The following FTCDNL1 variants were observed in gnomAD, a reference collection of about 807,000 sequenced individuals.
FTCDNL1 encodes formiminotransferase N-terminal subdomain-containing protein.
In FTCDNL1, 11 loss-of-function variants were observed where a neutral mutation model predicts 5.9. The observed-to-expected ratio is 1.87, with a 90% CI of 1.18 to 3.10. FTCDNL1 has a LOEUF of 3.10. Ranked by LOEUF, FTCDNL1 falls within the 30% of genes most tolerant of loss-of-function variation. FTCDNL1 has a pLI of 0.00. For synonymous variants in FTCDNL1, 58 were observed against 24.8 expected, an observed-to-expected ratio of 2.34 and a Z score of -3.99; for missense variants, 115 against 65.5, an observed-to-expected ratio of 1.76 and a Z score of -2.61.
chr2:199,845,421 G>T (rs561384829), intron 3 of FTCDNL1, among the ~76,000 whole-genome samples: 11 of 152,138 alleles, frequency 7.2e-5, no homozygotes, highest in African/African-American at 2.7e-4. Context: ...AATATAAAAA[G>T]TTAGCCAGGT....
chr2:199,752,206 G>A, the FTCDNL1 span, among the ~76,000 whole-genome samples: 9 of 152,172 alleles, frequency 5.9e-5, no homozygotes, highest in East Asian at 1.5e-3. Context: ...ACCCTCCCTG[G>A]AGCTGAGGCT....
intron 2 of FTCDNL1, among the ~76,000 whole-genome samples, chr2:199,848,497 T>C (rs1273594274): frequency 6.6e-6 from 1 of 152,232 alleles, no homozygotes; most frequent in African/African-American, 2.4e-5. Flanking sequence ...ATTCTATTAA[T>C]GATCAAATAA....
the FTCDNL1 span, among the ~76,000 whole-genome samples, chr2:199,747,338 T>C: frequency 1.3e-5 from 2 of 152,154 alleles, no homozygotes; most frequent in East Asian, 3.9e-4. Flanking sequence ...TATACGTCTA[T>C]TGCATGGTCG....
At chr2:199,673,255 G>A in the FTCDNL1 span, among the ~76,000 whole-genome samples, 1 of 149,530 alleles carries the variant, frequency 6.7e-6, no homozygotes, top group Admixed American at 6.7e-5. Context: ...TTAGACCTGG[G>A]AGGTGGAGGT....
chr2:199,845,983 T>G (rs769960), intron 3 of FTCDNL1, 92 bp downstream of exon 3: 399,166 of 563,566 alleles, frequency 0.71, 143,380 homozygotes, highest in South Asian at 0.83. Flanking sequence ...GGAGTATTCA[T>G]ATTTACAGAG....
rs61047289 is a variant in FTCDNL1 at position 199,785,249 on chromosome 2, C to CTTTTTT, written c.212-24420_212-24415dup. Reference sequence around the variant, plus strand: ...AGGGTCTCTAAACTCTTCCAAATTCCTTTTTTTTTTTTTTTTGAGACAGAA... The same window carrying CTTTTTT: ...AGGGTCTCTAAACTCTTCCAAATTCCTTTTTTTTTTTTTTTTTTTTTTGAGACAGAA... On this transcript the variant is annotated intron_variant, in intron 3 of 3. Transcript: ENST00000416668. 8.8e-3 allele frequency among the ~76,000 whole-genome samples: 679 copies of CTTTTTT among 76,808 alleles called. 69 individuals are homozygous for CTTTTTT. The highest frequency in any genetic ancestry group is 0.014 in the Admixed American group (62 of 4,474). 50.4% of individuals were successfully genotyped at this position (76,808 alleles called of 152,430 possible).
At chr2:199,835,451 T>C (rs576209142) in intron 3 of FTCDNL1, among the ~76,000 whole-genome samples, 1 of 152,268 alleles carries the variant, frequency 6.6e-6, no homozygotes, top group Admixed American at 6.5e-5. Flanking sequence ...TAATACATTG[T>C]TGTCATTATT....
At chr2:199,848,247 G>A (rs761795644) in intron 2 of FTCDNL1, among the ~76,000 whole-genome samples, 5 of 152,302 alleles carry the variant, frequency 3.3e-5, no homozygotes, top group Non-Finnish European at 5.9e-5. Flanking sequence ...AATACTGGCC[G>A]AGGGAATAAG....
chr2:199,742,373 G>A, the FTCDNL1 span, among the ~76,000 whole-genome samples: 1 of 152,122 alleles, frequency 6.6e-6, no homozygotes, highest in Non-Finnish European at 1.5e-5. Context: ...ACTGCTCAAA[G>A]GCTCCAAAGT....
intron 3 of FTCDNL1, among the ~76,000 whole-genome samples, chr2:199,824,662 T>C (rs933393729): frequency 1.3e-5 from 2 of 152,200 alleles, no homozygotes; most frequent in African/African-American, 4.8e-5. Flanking sequence ...GGGTTATTAA[T>C]TGGCCTAATT....
chr2:199,823,882 C>T (rs917842398), intron 3 of FTCDNL1, among the ~76,000 whole-genome samples: 1 of 152,220 alleles, frequency 6.6e-6, no homozygotes, highest in Non-Finnish European at 1.5e-5. Context: ...CAGGCATTGA[C>T]TTCTCTCTAG....
At chr2:199,829,028 T>C (rs981031439) in intron 3 of FTCDNL1, among the ~76,000 whole-genome samples, 1 of 152,162 alleles carries the variant, frequency 6.6e-6, no homozygotes, top group South Asian at 2.1e-4. Flanking sequence ...CAAAACCACA[T>C]GTACCTGTGG....
At chr2:199,691,160 C>CTTAT in the FTCDNL1 span, among the ~76,000 whole-genome samples, 2 of 152,120 alleles carry the variant, frequency 1.3e-5, no homozygotes, top group Non-Finnish European at 2.9e-5. Context: ...CCAATTTTTA[C>CTTAT]TTATTTATTT....
the FTCDNL1 span, among the ~76,000 whole-genome samples, chr2:199,707,891 T>C: frequency 1.3e-5 from 2 of 152,128 alleles, no homozygotes; most frequent in African/African-American, 4.8e-5. Flanking sequence ...TTTGGCTTTA[T>C]AGGAGTTTGA....
At chr2:199,679,855 A>C in the FTCDNL1 span, among the ~76,000 whole-genome samples, 2 of 152,112 alleles carry the variant, frequency 1.3e-5, no homozygotes, top group Non-Finnish European at 2.9e-5. Context: ...CTAAATTATT[A>C]CTTTTCTATT....
the FTCDNL1 span, among the ~76,000 whole-genome samples, chr2:199,735,595 T>C: frequency 6.6e-6 from 1 of 152,098 alleles, no homozygotes. Flanking sequence ...CCATCTGTCC[T>C]CAGGTAAAAA....
chr2:199,831,224 T>C (rs544402689), intron 3 of FTCDNL1, among the ~76,000 whole-genome samples: 2 of 152,340 alleles, frequency 1.3e-5, no homozygotes, highest in East Asian at 1.9e-4. Flanking sequence ...TTATTTATTA[T>C]GGAAATGAGG....
At chr2:199,766,672 A>T (rs767783224) in intron 3 of FTCDNL1, among the ~76,000 whole-genome samples, 40 of 152,176 alleles carry the variant, frequency 2.6e-4, no homozygotes, top group Non-Finnish European at 4.4e-4. Flanking sequence ...TATGTACAAA[A>T]CAGTGCTTTT....
chr2:199,792,316 C>T (rs1447294983), intron 3 of FTCDNL1, among the ~76,000 whole-genome samples: 1 of 152,050 alleles, frequency 6.6e-6, no homozygotes, highest in Admixed American at 6.5e-5. Flanking sequence ...TATTTCTCAC[C>T]AGAGATCTCA....
Sources: gnomAD v4.1 joint callset for allele counts (sites outside exome capture counted in the v4.1 genomes callset) on GRCh38, gnomAD v4.1.1 for gene constraint, MANE v1.5 for transcripts, NCBI Gene and HGNC (gene_info 2026-07-23, HGNC 2026-07-21) for gene names.